Variants in SCARB1 observed in about 807,000 individuals in gnomAD.
The protein encoded by SCARB1 is CD36 and LIMPII analogous 1.
SCARB1 carries 30 observed loss-of-function variants against 57.2 expected under a neutral mutation model. The ratio of observed to expected loss-of-function variants is 0.52; its 90% CI spans 0.39 to 0.71. SCARB1 has a LOEUF of 0.71. Ranked by LOEUF, SCARB1 falls within the 30% of genes least tolerant of loss-of-function variation. SCARB1 has a pLI of 0.00. For missense variants in SCARB1, 543 were observed against 671.2 expected, an observed-to-expected ratio of 0.81 and a Z score of 2.11; for synonymous variants, 249 against 268.3, an observed-to-expected ratio of 0.93 and a Z score of 0.70.
At chr12:124,835,869 G>T (rs547999038) in intron 1 of SCARB1, among the ~76,000 whole-genome samples, 1 of 152,366 alleles carries the variant, frequency 6.6e-6, no homozygotes, top group African/African-American at 2.4e-5. Flanking sequence ...GCCCGCTGGA[G>T]CAAAGCAGGA....
intron 9 of SCARB1, among the ~76,000 whole-genome samples, chr12:124,791,089 A>T (rs1413695454): frequency 6.6e-6 from 1 of 152,214 alleles, no homozygotes; most frequent in Non-Finnish European, 1.5e-5. Context: ...CAGTCTCTCT[A>T]GCGGGCTTCC....
At position 124,793,550 on chromosome 12, in the gene SCARB1, G is replaced by A. The variant is rs540516843; in HGVS notation, c.1202+1645C>T. Among the ~76,000 whole-genome samples the A allele has an allele frequency of 4.5e-4, 69 of 152,222 alleles. 1 individual carries two copies. The highest frequency in any genetic ancestry group is 1.6e-3 in the African/African-American group (66 of 41,548). On this transcript the variant is annotated intron_variant, in intron 9 of 12. Transcript: ENST00000261693. ...CTACTAAAAATACAAAAAATTAGCC[G>A]GGCACGGTGGCGGGCGCCTGTAGTC...
In SCARB1 at chr12:124,837,558, GA is replaced by G. The variant is rs147549277; in HGVS notation, c.127-19852del. On this transcript the variant is annotated intron_variant, in intron 1 of 12. Transcript: ENST00000261693. ...AGAAAGAAAAGAAAAGAAAAGAAAA[GA>G]AAAGAAAAGAAAAGAAAAGAAAAGA... Among the ~76,000 whole-genome samples, 732 of 40,164 alleles carry G rather than the reference GA, an allele frequency of 0.018. 54 individuals are homozygous for G. In the East Asian group the frequency reaches 0.26, roughly 14 times the overall value. The allele number at this position is 40,164 out of a possible 152,430, so 26.3% of individuals were successfully genotyped here.
At chr12:124,781,165 G>C (rs188624549) in intron 12 of SCARB1, among the ~76,000 whole-genome samples, 1 of 152,242 alleles carries the variant, frequency 6.6e-6, no homozygotes, top group Non-Finnish European at 1.5e-5. Flanking sequence ...CTGGGACACA[G>C]GGCTGGCAGC....
intron 8 of SCARB1, among the ~76,000 whole-genome samples, chr12:124,797,774 G>C (rs926154826): frequency 1.3e-5 from 2 of 152,234 alleles, no homozygotes; most frequent in African/African-American, 4.8e-5. Context: ...GGCTGGGGCC[G>C]GGGCCGAGAG....
At chr12:124,860,425 T>A (rs974208180) in intron 1 of SCARB1, among the ~76,000 whole-genome samples, 1 of 152,264 alleles carries the variant, frequency 6.6e-6, no homozygotes, top group African/African-American at 2.4e-5. Flanking sequence ...GCAGCCCAGC[T>A]GCAGTGAGGG....
At position 124,796,814 on chromosome 12, in the gene SCARB1, A is replaced by T. The variant is rs1949959263; in HGVS notation, c.1129-1546T>A. On this transcript the variant is annotated intron_variant, in intron 8 of 12. Coordinates refer to ENST00000261693, the MANE Select transcript of SCARB1 (RefSeq NM_005505.5). This position sits in a 1 kb window ranked among gnomAD's most constrained non-coding sequence, Gnocchi z 4.0. ...TGCTTGCCCTCGAGAGCCTGGTGGG[A>T]TGGGCATGAGATCACCCGTGAGTAG... is the stretch of plus-strand genomic sequence containing the variant. Among the ~76,000 whole-genome samples, 1 of 152,094 alleles carries T rather than the reference A, an allele frequency of 6.6e-6. No homozygotes were observed. Among genetic ancestry groups the T allele is most frequent in the Non-Finnish European group, 1.5e-5 (1 of 68,008 alleles).
chr12:124,857,359 A>G (rs565758975), intron 1 of SCARB1, among the ~76,000 whole-genome samples: 3 of 152,348 alleles, frequency 2.0e-5, no homozygotes, highest in African/African-American at 7.2e-5. Flanking sequence ...GTTATCTCCC[A>G]TCAACCCCCA....
At chr12:124,851,895 T>C (rs1952418290) in intron 1 of SCARB1, among the ~76,000 whole-genome samples, 1 of 152,010 alleles carries the variant, frequency 6.6e-6, no homozygotes, top group Admixed American at 6.6e-5. Context: ...GCATGACACC[T>C]GTAATCCTAA....
At position 124,810,574 on chromosome 12, in the gene SCARB1, T is replaced by G. The variant is rs1157886411; in HGVS notation, c.727-285A>C. On this transcript the variant is annotated intron_variant, in intron 5 of 12. Coordinates refer to ENST00000261693, the MANE Select transcript of SCARB1 (RefSeq NM_005505.5). The surrounding 1 kb of genome is among the most constrained non-coding windows in gnomAD (Gnocchi z 4.0). Reference sequence around the variant, plus strand: ...CCAGCCTGAATCTGGAAAAGAAGTGTGGTGAGCAGGTGAGGTGAGAGGTGG... The same window carrying G: ...CCAGCCTGAATCTGGAAAAGAAGTGGGGTGAGCAGGTGAGGTGAGAGGTGG... Among the ~76,000 whole-genome samples, 1 of 152,064 alleles carries G rather than the reference T, an allele frequency of 6.6e-6. No homozygotes were observed. Among genetic ancestry groups the G allele is most frequent in the Non-Finnish European group, 1.5e-5 (1 of 67,998 alleles).
intron 9 of SCARB1, among the ~76,000 whole-genome samples, chr12:124,790,863 G>A (rs898550893): frequency 3.9e-5 from 6 of 152,262 alleles, no homozygotes; most frequent in African/African-American, 1.4e-4. Context: ...ACAGGCTGCT[G>A]GCAATGCTGG....
At chr12:124,823,957 G>C (rs1399120511) in intron 1 of SCARB1, among the ~76,000 whole-genome samples, 1 of 151,860 alleles carries the variant, frequency 6.6e-6, no homozygotes, top group Non-Finnish European at 1.5e-5. Context: ...CTGAGGTCAG[G>C]AGTTCAAGAC....
intron 8 of SCARB1, among the ~76,000 whole-genome samples, chr12:124,797,307 G>A (rs1359158785): frequency 6.6e-6 from 1 of 152,130 alleles, no homozygotes; most frequent in Admixed American, 6.6e-5. Flanking sequence ...ACCATAAGCA[G>A]CGTCCTGTTG....
intron 9 of SCARB1, among the ~76,000 whole-genome samples, chr12:124,790,646 C>T (rs1949691251): frequency 6.6e-6 from 1 of 152,230 alleles, no homozygotes; most frequent in South Asian, 2.1e-4. Context: ...ATGAATACAG[C>T]AACTCACACT....
At chr12:124,855,558 G>A (rs1952592094) in intron 1 of SCARB1, among the ~76,000 whole-genome samples, 1 of 152,226 alleles carries the variant, frequency 6.6e-6, no homozygotes, top group Non-Finnish European at 1.5e-5. Context: ...CAGGGGGAGG[G>A]AGACGAGGTA....
chr12:124,797,573 CCT>C (rs1441928844), intron 8 of SCARB1, among the ~76,000 whole-genome samples: 1 of 152,324 alleles, frequency 6.6e-6, no homozygotes, highest in Admixed American at 6.5e-5. Context: ...CAGCTGTTTG[CCT>C]CTCTCTGGGC....
chr12:124,844,798 T>C (rs995559942), intron 1 of SCARB1, among the ~76,000 whole-genome samples: 3 of 150,108 alleles, frequency 2.0e-5, no homozygotes, highest in African/African-American at 7.4e-5. Flanking sequence ...GTTATGGACA[T>C]TTTTTTCTTT....
At position 124,778,635 on chromosome 12, in the gene SCARB1, C is replaced by G. The variant is rs753879830; in HGVS notation, c.*1-49G>C. 1.1e-5 allele frequency: 15 copies of G among 1,395,520 alleles called. No homozygotes were observed. The African/African-American group carries it at 2.3e-4, about 21-fold the overall frequency. 86.4% of individuals were successfully genotyped at this position (1,395,520 alleles called of 1,614,324 possible). On this transcript the variant is annotated intron_variant, in intron 12 of 12. Transcript: ENST00000261693. ...TGACCACCCACGCCCTGTCACCAAACCCCACCCTCATCCCCGCCCACCACA... is the reference window on the plus strand; with the variant it reads ...TGACCACCCACGCCCTGTCACCAAAGCCCACCCTCATCCCCGCCCACCACA...
Position 124,812,580 on chromosome 12 carries a change from G to A in SCARB1, c.631-615C>T, listed in dbSNP as rs774015873. On this transcript the variant is annotated intron_variant, in intron 4 of 12. Transcript: ENST00000261693. This position sits in a 1 kb window ranked among gnomAD's most constrained non-coding sequence, Gnocchi z 4.3. Reference sequence around the variant, plus strand: ...AAAACCTGGCCTGTCCTAACCCATCGAGGTTCTTGATAGTGGGGCCCAGGC... The same window carrying A: ...AAAACCTGGCCTGTCCTAACCCATCAAGGTTCTTGATAGTGGGGCCCAGGC... Among the ~76,000 whole-genome samples the A allele has an allele frequency of 4.6e-5, 7 of 152,234 alleles. No homozygotes were observed. Among genetic ancestry groups the A allele is most frequent in the African/African-American group, 7.2e-5 (3 of 41,456 alleles).
Sources: gnomAD v4.1 joint callset for allele counts (sites outside exome capture counted in the v4.1 genomes callset) on GRCh38, gnomAD v4.1.1 for gene constraint, Gnocchi (gnomAD v3.1) non-coding constraint, MANE v1.5 for transcripts, NCBI Gene and HGNC (gene_info 2026-07-23, HGNC 2026-07-21) for gene names.